Variants in ADD3 observed in about 807,000 individuals in gnomAD.
The protein encoded by ADD3 is gamma-adducin.
In ADD3, 25 loss-of-function variants were observed where a neutral mutation model predicts 80.2. The observed-to-expected ratio is 0.31, with a 90% CI of 0.23 to 0.44. The LOEUF (loss-of-function observed/expected upper bound fraction) is 0.44. ADD3 is among the 20% of genes least tolerant of loss of function. The pLI is 1.00. For synonymous variants in ADD3, 284 were observed against 289.6 expected (o/e 0.98, Z 0.20); for missense variants, 829 against 847.5 (o/e 0.98, Z 0.27).
chr10:110,100,649 A>C lies in ADD3; in HGVS notation c.-5A>C. 6.3e-7 allele frequency: 1 copy of C among 1,598,520 alleles called. No individual in the cohort carries two copies. The highest frequency in any genetic ancestry group is 8.5e-7 in the Non-Finnish European group (1 of 1,173,942). ...GATAACAAGAGTAATCCACAGACTTAAAACATGAGCTCAGATGCCAGCCAA... is the reference window on the plus strand; with the variant it reads ...GATAACAAGAGTAATCCACAGACTTCAAACATGAGCTCAGATGCCAGCCAA... On this transcript the variant is annotated 5_prime_UTR_variant, in exon 2 of 15. Transcript: ENST00000356080.
At chr10:110,003,387 T>C (rs1468977405), upstream of ADD3, among the ~76,000 whole-genome samples, 1 of 151,744 alleles carries the variant, frequency 6.6e-6, no homozygotes, top group African/African-American at 2.4e-5. Context: ...AAACAACAAG[T>C]AGTAAAACAG....
intron 1 of ADD3, among the ~76,000 whole-genome samples, chr10:110,050,649 A>G (rs1402598281): frequency 2.0e-5 from 3 of 151,344 alleles, no homozygotes. Context: ...AGTAGCTGGG[A>G]TTACAGGTGT....
At chr10:110,119,137 C>G in intron 6 of ADD3, 74 bp from the exon 7 acceptor site, 1 of 1,540,436 alleles carries the variant, frequency 6.5e-7, no homozygotes, top group Non-Finnish European at 8.9e-7. Flanking sequence ...CCTGAGCTGA[C>G]CAAACAATCA....
intron 1 of ADD3, among the ~76,000 whole-genome samples, chr10:110,019,370 T>C (rs76765079): frequency 6.6e-6 from 1 of 151,902 alleles, no homozygotes; most frequent in Non-Finnish European, 1.5e-5. Flanking sequence ...TTTTTTTTTT[T>C]TTGAGACGGA....
intron 1 of ADD3, among the ~76,000 whole-genome samples, chr10:110,068,666 C>T (rs929763928): frequency 4.6e-5 from 7 of 152,088 alleles, no homozygotes; most frequent in East Asian, 1.9e-4. Context: ...CTGAAGTGAA[C>T]GTTTTGAAAG....
chr10:110,100,490 A>C (rs1396396546), intron 1 of ADD3, 135 bp from the exon 2 acceptor site: 4 of 473,096 alleles, frequency 8.5e-6, no homozygotes, highest in South Asian at 6.1e-5. Context: ...AATTGTTCTA[A>C]TATTTTTGAG....
chr10:110,034,631 C>T (rs984196824), intron 1 of ADD3, among the ~76,000 whole-genome samples: 3 of 152,106 alleles, frequency 2.0e-5, no homozygotes, highest in Non-Finnish European at 4.4e-5. Flanking sequence ...TCAACCTAGA[C>T]AATCATACTC....
chr10:110,066,041 T>G (rs772188152), intron 1 of ADD3, among the ~76,000 whole-genome samples: 5 of 152,162 alleles, frequency 3.3e-5, no homozygotes, highest in Non-Finnish European at 7.3e-5. Context: ...ATTTTATCTT[T>G]AAGGGTTTTG....
chr10:110,073,749 A>G (rs903078324), intron 1 of ADD3, among the ~76,000 whole-genome samples: 1 of 152,122 alleles, frequency 6.6e-6, no homozygotes, highest in Non-Finnish European at 1.5e-5. Flanking sequence ...CTAAATGCCT[A>G]TTACCATTCA....
Position 110,085,298 on chromosome 10 carries a change from G to A in ADD3, c.-29-15327G>A, listed in dbSNP as rs190056640. On this transcript the variant is annotated intron_variant, in intron 1 of 14. Coordinates refer to ENST00000356080, the MANE Select transcript of ADD3 (RefSeq NM_016824.5). ...TGGGGCATATATAATCTGGAGACCA[G>A]GATCTAGAGAACTTTTTCTAAAGTT... 3.7e-3 allele frequency among the ~76,000 whole-genome samples: 556 copies of A among 152,292 alleles called. 2 individuals are homozygous for A. The highest frequency in any genetic ancestry group is 6.4e-3 in the Non-Finnish European group (437 of 68,026).
rs1851839857 is a variant in ADD3 at position 110,124,048 on chromosome 10, C to G, written c.1175C>G (p.Pro392Arg). The part of the protein sequence containing the change: ...GYRTGYAYRH[P>R]LIREKPRHKS... ...AGAACAGGCTATGCTTACAGGCATC[C>G]TCTCATTCGAGAGAAGCCTAGGCAC... is the stretch of plus-strand genomic sequence containing the variant. Residue 392 changes from proline (P) to arginine (R), a missense_variant, in exon 10 of 15, where the codon CCT (proline) becomes CGT (arginine). Transcript: ENST00000356080. 2 of 1,614,024 alleles carry G rather than the reference C, an allele frequency of 1.2e-6. No individual in the cohort carries two copies. The highest frequency in any genetic ancestry group is 1.7e-6 in the Non-Finnish European group (2 of 1,180,000).
upstream of ADD3, among the ~76,000 whole-genome samples, chr10:110,002,570 G>A (rs1309546378): frequency 3.9e-5 from 6 of 152,074 alleles, no homozygotes; most frequent in African/African-American, 1.4e-4. Context: ...CACCGTGCCT[G>A]GCTGGAAACT....
Position 110,094,629 on chromosome 10 carries a change from C to T in ADD3, c.-29-5996C>T, listed in dbSNP as rs377091316. Among the ~76,000 whole-genome samples, 15 of 152,218 alleles carry T rather than the reference C, an allele frequency of 9.9e-5. No homozygotes were observed. The East Asian group carries it at 2.1e-3, about 22-fold the overall frequency. ...TTCAAGTTTTCAGATCTGTCAATTT[C>T]CATGTCAGTTGTATATAAAATTTTG... On this transcript the variant is annotated intron_variant, in intron 1 of 14. Coordinates refer to ENST00000356080, the MANE Select transcript of ADD3 (RefSeq NM_016824.5).
At chr10:110,090,067 TC>T (rs1210738738) in intron 1 of ADD3, among the ~76,000 whole-genome samples, 1 of 152,112 alleles carries the variant, frequency 6.6e-6, no homozygotes, top group Non-Finnish European at 1.5e-5. Flanking sequence ...GCCTCACTGT[TC>T]CTTGTAACAG....
intron 1 of ADD3, among the ~76,000 whole-genome samples, chr10:110,026,395 C>A (rs1036077022): frequency 6.6e-6 from 1 of 151,864 alleles, no homozygotes; most frequent in African/African-American, 2.4e-5. Flanking sequence ...ATTCTCCTGC[C>A]TCAGCCTCCT....
At position 110,113,417 on chromosome 10, in the gene ADD3, G is replaced by C. The variant is rs181524007; in HGVS notation, c.334+502G>C. Among the ~76,000 whole-genome samples the C allele has an allele frequency of 6.7e-3, 1,017 of 152,156 alleles. 10 individuals are homozygous for C. The highest frequency in any genetic ancestry group is 0.023 in the African/African-American group (960 of 41,500). Reference sequence around the variant, plus strand: ...TGAGTAGCTGGTATTACAGGTGCGCGCCACCACGCCTGGCTAATTTTTTGT... The same window carrying C: ...TGAGTAGCTGGTATTACAGGTGCGCCCCACCACGCCTGGCTAATTTTTTGT... On this transcript the variant is annotated intron_variant, in intron 3 of 14. Coordinates refer to ENST00000356080, the MANE Select transcript of ADD3 (RefSeq NM_016824.5).
At chr10:110,102,366 T>C (rs1848913286) in intron 2 of ADD3, among the ~76,000 whole-genome samples, 1 of 152,134 alleles carries the variant, frequency 6.6e-6, no homozygotes, top group African/African-American at 2.4e-5. Flanking sequence ...CCCAGCACTT[T>C]AGGATGCCAA....
Position 110,061,446 on chromosome 10 carries a change from C to G in ADD3, c.-29-39179C>G, listed in dbSNP as rs1398515882. On this transcript the variant is annotated intron_variant, in intron 1 of 14. Transcript: ENST00000356080. Reference sequence around the variant, plus strand: ...ATGAGACAGGATTGACTGGAGTCAGCTTTCCTTTGGGAAAGCAGAATGATA... The same window carrying G: ...ATGAGACAGGATTGACTGGAGTCAGGTTTCCTTTGGGAAAGCAGAATGATA... Among the ~76,000 whole-genome samples, 5 of 152,276 alleles carry G rather than the reference C, an allele frequency of 3.3e-5. No homozygotes were observed. In the South Asian group the frequency reaches 1.0e-3, roughly 32 times the overall value.
rs1426407915 is a variant in ADD3, at chr10:110,100,602, CTTCT to C, written c.-29-20_-29-17del. 6 of 1,398,278 alleles carry C rather than the reference CTTCT, an allele frequency of 4.3e-6. No homozygotes were observed. The highest frequency in any genetic ancestry group is 5.7e-6 in the Non-Finnish European group (6 of 1,059,982). The allele number at this position is 1,398,278 out of a possible 1,614,324, so 86.6% of individuals were successfully genotyped here. A position where few individuals can be genotyped will look rare whatever the true frequency, so the allele number is the denominator to read the frequency against. ...ATTTAATGAATTTATCATGGATGTCCTTCTTTGTGTTTATTAATGCAGATAACAA... is the reference window on the plus strand; with the variant it reads ...ATTTAATGAATTTATCATGGATGTCCTTGTGTTTATTAATGCAGATAACAA... On this transcript the variant is annotated intron_variant, in intron 1 of 14. Coordinates refer to ENST00000356080, the MANE Select transcript of ADD3 (RefSeq NM_016824.5).
Sources: allele counts gnomAD v4.1 joint callset (sites outside exome capture counted in the v4.1 genomes callset), GRCh38; gene constraint gnomAD v4.1.1; transcripts MANE v1.5; gene names NCBI Gene and HGNC (gene_info 2026-07-23, HGNC 2026-07-21).